The following SEMA4G variants were observed in gnomAD, a reference collection of about 807,000 sequenced individuals.
SEMA4G encodes semaphorin 4G.
A neutral mutation model predicts 81.2 loss-of-function variants in SEMA4G; 59 were observed. The observed-to-expected ratio is 0.73, with a 90% confidence interval of 0.59 to 0.90. SEMA4G has a LOEUF of 0.90. Ranked by LOEUF, SEMA4G falls within the 40% of genes least tolerant of loss-of-function variation. The pLI is 0.00. For missense variants in SEMA4G, 952 were observed against 1,102.3 expected (o/e 0.86, Z 1.93); for synonymous variants, 404 against 433.9 (o/e 0.93, Z 0.86).
chr10:100,981,991 G>A (rs12413305), intron 13 of SEMA4G, among the ~76,000 whole-genome samples: 9,312 of 149,484 alleles, frequency 0.062, 417 homozygotes, highest in East Asian at 0.26. Context: ...CTGGGAGGCA[G>A]AGGTTGCAGT....
At chr10:100,977,176 G>A (rs1273346781) in intron 3 of SEMA4G, among the ~76,000 whole-genome samples, 2 of 152,168 alleles carry the variant, frequency 1.3e-5, no homozygotes, top group Non-Finnish European at 2.9e-5. Context: ...TTCTGACAAG[G>A]TGAGTTTGAA....
chr10:100,984,600 G>A (rs986972740), exon 14 of SEMA4G: 9 of 1,536,218 alleles, frequency 5.9e-6, no homozygotes, highest in East Asian at 4.9e-5. Flanking sequence ...TAAGCCCTGC[G>A]TACATTCACA....
At chr10:100,972,997 G>C (rs1202124518) in exon 1 of SEMA4G, 1 of 1,614,096 alleles carries the variant, frequency 6.2e-7, no homozygotes, top group South Asian at 1.1e-5. Context: ...ACCGTCTAGA[G>C]AACTAGATGC....
At chr10:100,978,482 G>A in intron 5 of SEMA4G, 45 bp from the exon 7 acceptor site, 1 of 1,596,240 alleles carries the variant, frequency 6.3e-7, no homozygotes. Context: ...CATGTGCCCT[G>A]TTGAATATGA....
At chr10:100,984,934 G>T, downstream of SEMA4G, 1 of 1,439,042 alleles carries the variant, frequency 6.9e-7, no homozygotes, top group Non-Finnish European at 9.1e-7. Context: ...ATGCACATGT[G>T]GTAACACACA....
chr10:100,984,484 T>C (rs1851321658), exon 14 of SEMA4G: 2 of 1,531,948 alleles, frequency 1.3e-6, no homozygotes, highest in Middle Eastern at 1.7e-4. Flanking sequence ...TTTCTCTTTC[T>C]CCCAGGCAGG....
chr10:100,980,138 T>C (rs748920327), exon 10 of SEMA4G: 1 of 1,614,204 alleles, frequency 6.2e-7, no homozygotes, highest in South Asian at 1.1e-5. Flanking sequence ...ACAGATTCAT[T>C]GCGCAGCCAA....
chr10:100,976,363 A>G (rs1013279723), intron 3 of SEMA4G, among the ~76,000 whole-genome samples: 7 of 152,114 alleles, frequency 4.6e-5, no homozygotes, highest in Non-Finnish European at 7.4e-5. Context: ...GGTGTGATCC[A>G]CTTGACTTTT....
rs772781924 is a variant in SEMA4G at position 100,981,245 on chromosome 10, G to A, written c.1690+16G>A. The A allele has an allele frequency of 1.2e-6, 2 of 1,613,638 alleles. No individual in the cohort carries two copies. The highest frequency in any genetic ancestry group is 2.2e-5 in the South Asian group (2 of 91,066). On this transcript the variant is annotated intron_variant, in intron 13 of 13. Coordinates refer to ENST00000370250, the Ensembl canonical transcript of SEMA4G. ...AGGGATACAGGTAAGTGACTCATAT[G>A]AGTGTGGGTCTAGCTACGCAGACTG...
At chr10:100,975,226 A>G in intron 3 of SEMA4G, 2 of 340,076 alleles carry the variant, frequency 5.9e-6, no homozygotes, top group South Asian at 4.9e-5. Context: ...TCACCCAGGT[A>G]TATTATAAAT....
At chr10:100,978,581 G>A (rs375357185) in exon 6 of SEMA4G, 13 of 1,613,930 alleles carry the variant, frequency 8.1e-6, no homozygotes, top group African/African-American at 2.7e-5. Context: ...CCTGACATCC[G>A]CCGGAGCCGC....
In SEMA4G at chr10:100,973,085, G is replaced by A; in HGVS notation, c.125-44G>A. Reference sequence around the variant, plus strand: ...CAGCAGAAGCCAGGGCTGGGGGTGGGGAGGCACCCCAGAACTAGGGCTCAC... The same window carrying A: ...CAGCAGAAGCCAGGGCTGGGGGTGGAGAGGCACCCCAGAACTAGGGCTCAC... On this transcript the variant is annotated intron_variant, in intron 1 of 13. Coordinates refer to ENST00000370250, the Ensembl canonical transcript of SEMA4G. The surrounding 1 kb of genome is among the most constrained non-coding windows in gnomAD (Gnocchi z 5.5). 1 of 1,614,082 alleles carries A rather than the reference G, an allele frequency of 6.2e-7. No homozygotes were observed. Among genetic ancestry groups the A allele is most frequent in the Non-Finnish European group, 8.5e-7 (1 of 1,180,010 alleles).
chr10:100,979,171 C>T, exon 8 of SEMA4G: 1 of 1,614,194 alleles, frequency 6.2e-7, no homozygotes, highest in Non-Finnish European at 8.5e-7. Context: ...TCTCATCTGC[C>T]ACATTCCACT....
At position 100,983,434 on chromosome 10, in the gene SEMA4G, AG is replaced by A. The variant is rs1251708384; in HGVS notation, c.1823del (p.Gly608ValfsTer66). The A allele has an allele frequency of 6.2e-7, 1 of 1,613,772 alleles. No homozygotes were observed. The highest frequency in any genetic ancestry group is 2.2e-5 in the East Asian group (1 of 44,894). ...GGGAGCATGGGCCTGAGCGATGGGCAGGGTGGCTACCGTGTGGGCGTGGACG... is the reference window on the plus strand; with the variant it reads ...GGGAGCATGGGCCTGAGCGATGGGCAGGTGGCTACCGTGTGGGCGTGGACG... On this transcript the variant is annotated frameshift_variant, in exon 14 of 14. Coordinates refer to ENST00000370250, the Ensembl canonical transcript of SEMA4G. LOFTEE classifies it high-confidence loss of function.
chr10:100,977,828 A>G (rs1850867276), intron 4 of SEMA4G, 98 bp downstream of exon 5: 2 of 1,078,204 alleles, frequency 1.9e-6, no homozygotes, highest in African/African-American at 1.6e-5. Context: ...AGTGAAGGAG[A>G]CGGATGGTTT....
intron 13 of SEMA4G, among the ~76,000 whole-genome samples, chr10:100,982,067 AAAAAAAAAAAG>A (rs1851109812): frequency 6.6e-6 from 1 of 150,484 alleles, no homozygotes; most frequent in Admixed American, 6.6e-5. Flanking sequence ...CATCTCAAAA[AAAAAAAAAAAG>A]AAAGAAAAAA....
At chr10:100,979,056 T>C (rs1850930466) in intron 7 of SEMA4G, 38 bp downstream of exon 8, 1 of 1,613,092 alleles carries the variant, frequency 6.2e-7, no homozygotes, top group South Asian at 1.1e-5. Flanking sequence ...GTATAGAGGC[T>C]GGACCTCTGA....
At chr10:100,976,029 G>A (rs1241915655) in intron 3 of SEMA4G, among the ~76,000 whole-genome samples, 4 of 152,196 alleles carry the variant, frequency 2.6e-5, no homozygotes, top group African/African-American at 9.7e-5. Flanking sequence ...TGAGGAGGCT[G>A]GGGGCATCAT....
upstream of SEMA4G, among the ~76,000 whole-genome samples, chr10:100,971,936 C>T (rs143930644): frequency 3.3e-5 from 5 of 152,298 alleles, no homozygotes; most frequent in Non-Finnish European, 7.4e-5. Context: ...TGAATGCCTA[C>T]TTGCAGATAG....
Sources: gnomAD v4.1 joint callset for allele counts (sites outside exome capture counted in the v4.1 genomes callset) on GRCh38, gnomAD v4.1.1 for gene constraint, Gnocchi (gnomAD v3.1) non-coding constraint, MANE v1.5 for transcripts, NCBI Gene and HGNC (gene_info 2026-07-23, HGNC 2026-07-21) for gene names.